The following C6 variants were observed in gnomAD, a reference collection of about 807,000 sequenced individuals.
C6 encodes complement component C6.
In C6, 101 loss-of-function variants were observed where a neutral mutation model predicts 112.9. The ratio of observed to expected loss-of-function variants is 0.89; its 90% CI spans 0.76 to 1.06. C6 has a LOEUF of 1.06. Ranked by LOEUF, C6 falls within the 50% of genes least tolerant of loss-of-function variation. The pLI is 0.00. For missense variants in C6, 1,202 were observed against 1,104.6 expected (o/e 1.09, Z -1.25); for synonymous variants, 431 against 384.1 (o/e 1.12, Z -1.43).
Position 41,142,463 on chromosome 5 carries a change from T to C in C6, c.*362A>G. On this transcript the variant is annotated 3_prime_UTR_variant, in exon 18 of 18. Transcript: ENST00000337836. Reference sequence around the variant, plus strand: ...GTTCTGGAGATTTCTGTTTATTAACTCATTGAAGAAAATTATGGGTTTTAT... The same window carrying C: ...GTTCTGGAGATTTCTGTTTATTAACCCATTGAAGAAAATTATGGGTTTTAT... 3.9e-6 allele frequency: 1 copy of C among 253,878 alleles called. No individual in the cohort carries two copies. Among genetic ancestry groups the C allele is most frequent in the Non-Finnish European group, 7.8e-6 (1 of 127,398 alleles). The allele number at this position is 253,878 out of a possible 1,614,324, so 15.7% of individuals were successfully genotyped here.
At chr5:41,210,820 G>T (rs188716550) in intron 1 of C6, among the ~76,000 whole-genome samples, 423 of 152,258 alleles carry the variant, frequency 2.8e-3, no homozygotes, top group African/African-American at 9.5e-3. Context: ...ATTGTGGAAG[G>T]CAGTGTGGTG....
intron 8 of C6, among the ~76,000 whole-genome samples, chr5:41,175,304 A>G (rs1195901712): frequency 1.3e-5 from 2 of 152,210 alleles, no homozygotes; most frequent in East Asian, 3.8e-4. Context: ...ATATATACAC[A>G]CATATATATG....
intron 1 of C6, among the ~76,000 whole-genome samples, chr5:41,234,997 G>C (rs2150417455): frequency 6.6e-6 from 1 of 150,776 alleles, no homozygotes; most frequent in Non-Finnish European, 1.5e-5. Flanking sequence ...GATTTGGAAA[G>C]CAAGTTAGCA....
chr5:41,206,963 G>T (rs1751486052), intron 1 of C6, among the ~76,000 whole-genome samples: 2 of 152,184 alleles, frequency 1.3e-5, no homozygotes, highest in African/African-American at 4.8e-5. Context: ...AAAATGTTAA[G>T]GGCAGCCAGA....
intron 1 of C6, among the ~76,000 whole-genome samples, chr5:41,239,604 A>C (rs1740569820): frequency 6.7e-6 from 1 of 150,114 alleles, no homozygotes. Flanking sequence ...CCCATCCCCC[A>C]CCCCTCAAAA....
intron 17 of C6, among the ~76,000 whole-genome samples, chr5:41,148,806 G>T (rs1196502605): frequency 6.6e-6 from 1 of 152,212 alleles, no homozygotes; most frequent in Non-Finnish European, 1.5e-5. Flanking sequence ...AAAGAAGACT[G>T]AAAGAAATTT....
In C6 at chr5:41,149,495, G is replaced by A; in HGVS notation, c.2382-13C>T. On this transcript the variant is annotated splice_polypyrimidine_tract_variant and intron_variant, in intron 16 of 17. Transcript: ENST00000337836. The stretch of plus-strand genomic sequence containing the variant: ...TTCTGAATGATGGCTGCCCAAGAGA[G>A]GAAAGCAAGCATTTCTATATGAAGA... The A allele has an allele frequency of 4.3e-6, 7 of 1,613,682 alleles. No individual in the cohort carries two copies. Among genetic ancestry groups the A allele is most frequent in the Non-Finnish European group, 5.9e-6 (7 of 1,179,934 alleles).
chr5:41,232,080 CTTTG>C (rs1231016297), intron 1 of C6, among the ~76,000 whole-genome samples: 3 of 152,162 alleles, frequency 2.0e-5, no homozygotes, highest in South Asian at 2.1e-4. Context: ...TCATAGCTGT[CTTTG>C]TTGTATCCCT....
In C6 at chr5:41,201,598, A is replaced by G; in HGVS notation, c.260T>C (p.Phe87Ser). The G allele has an allele frequency of 6.2e-7, 1 of 1,613,694 alleles. No individual in the cohort carries two copies. Residue 87 changes from phenylalanine (F) to serine (S), a missense_variant, in exon 3 of 18, where the codon TTT becomes TCT. Transcript: ENST00000337836. Reference protein sequence around the residue: ...RCPINCLLGDFGPWSDCDPCI... With the variant: ...RCPINCLLGDSGPWSDCDPCI... The stretch of plus-strand genomic sequence containing the variant: ...AGGGTCACAGTCTGACCATGGTCCA[A>G]AATCTCCCAGGAGGCAGTTGATGGG...
rs765945509 is a variant in C6, at chr5:41,158,658, G to A, written c.1968+16C>T. 7 of 1,426,146 alleles carry A rather than the reference G, an allele frequency of 4.9e-6. No individual in the cohort carries two copies. In the African/African-American group the frequency reaches 9.8e-5, roughly 20 times the overall value. The allele number at this position is 1,426,146 out of a possible 1,614,324, so 88.3% of individuals were successfully genotyped here. A position where few individuals can be genotyped will look rare whatever the true frequency, so the allele number is the denominator to read the frequency against. ...TTTTAAAACTACAAACCAAAAGTGAGGTTTAGGATGCTGACCCGGATAAAT... is the reference window on the plus strand; with the variant it reads ...TTTTAAAACTACAAACCAAAAGTGAAGTTTAGGATGCTGACCCGGATAAAT... On this transcript the variant is annotated intron_variant, in intron 13 of 17. Transcript: ENST00000337836.
At chr5:41,150,805 T>C (rs1404027105) in intron 15 of C6, among the ~76,000 whole-genome samples, 2 of 151,736 alleles carry the variant, frequency 1.3e-5, no homozygotes, top group African/African-American at 4.9e-5. Flanking sequence ...AAGAGTCACT[T>C]GAACCCGGGA....
intron 17 of C6, among the ~76,000 whole-genome samples, chr5:41,148,190 A>T (rs1746025316): frequency 6.6e-6 from 1 of 152,222 alleles, no homozygotes; most frequent in Non-Finnish European, 1.5e-5. Context: ...AGCAAAATAC[A>T]GGAGAAAAAA....
intron 6 of C6, among the ~76,000 whole-genome samples, chr5:41,184,351 T>TA (rs1749599071): frequency 2.0e-5 from 3 of 152,202 alleles, no homozygotes; most frequent in African/African-American, 7.2e-5. Flanking sequence ...ATGTCTCATC[T>TA]AACATAGGCC....
At chr5:41,202,371 G>A (rs1751094892) in intron 2 of C6, among the ~76,000 whole-genome samples, 1 of 152,106 alleles carries the variant, frequency 6.6e-6, no homozygotes, top group Non-Finnish European at 1.5e-5. Flanking sequence ...TTGAATAGAG[G>A]AATATTGTAA....
intron 1 of C6, among the ~76,000 whole-genome samples, chr5:41,248,760 T>C (rs759746828): frequency 2.8e-4 from 42 of 152,224 alleles, no homozygotes; most frequent in Non-Finnish European, 5.7e-4. Context: ...GAAAGCAGTT[T>C]GGAGATTTCT....
chr5:41,201,859 G>T, intron 2 of C6, 145 bp from the exon 3 acceptor site: 1 of 726,396 alleles, frequency 1.4e-6, no homozygotes, highest in Non-Finnish European at 2.4e-6. Flanking sequence ...TGGCATATAT[G>T]CAGTTCTCAC....
Position 41,176,707 on chromosome 5 carries a change from A to G in C6, c.936T>C (p.Ser312=). The change falls in exon 8 of 18, where the codon AGT becomes AGC. Residue 312 remains serine, a synonymous_variant. Transcript: ENST00000337836. ...TCATCACTTTATGGATCCTAATAAA[A>G]CTAGAATCCTAAATGGAAGAAAGAA... ...AIQASHKKDS[S]FIRIHKVMKV... 6.2e-7 allele frequency: 1 copy of G among 1,610,938 alleles called. No individual in the cohort carries two copies.
At chr5:41,248,743 C>T (rs561098622) in intron 1 of C6, among the ~76,000 whole-genome samples, 2 of 152,148 alleles carry the variant, frequency 1.3e-5, no homozygotes, top group Non-Finnish European at 2.9e-5. Context: ...GTAGTTCAGC[C>T]ACAGTGGAAA....
At chr5:41,247,750 C>T (rs1045372497) in intron 1 of C6, among the ~76,000 whole-genome samples, 1 of 150,320 alleles carries the variant, frequency 6.7e-6, no homozygotes, top group Non-Finnish European at 1.5e-5. Context: ...TATATCTAAC[C>T]AAGAAAGTGA....
Sources: allele counts gnomAD v4.1 joint callset (sites outside exome capture counted in the v4.1 genomes callset), GRCh38; gene constraint gnomAD v4.1.1; transcripts MANE v1.5; gene names NCBI Gene and HGNC (gene_info 2026-07-23, HGNC 2026-07-21).